ATRNL1: variants seen among roughly 807,000 people sequenced by gnomAD.
ATRNL1 encodes the protein attractin like 1.
Under a neutral mutation model 182.7 loss-of-function variants are expected in ATRNL1, and 95 were observed. That is an observed-to-expected ratio of 0.52 (90% confidence interval 0.44 to 0.62). ATRNL1 has a LOEUF of 0.62. ATRNL1 is among the 20% of genes least tolerant of loss of function. The probability of loss-of-function intolerance (pLI) is 0.00; values close to 1 mark genes in which losing one functional copy is unlikely to be tolerated. For missense variants in ATRNL1, 1,471 were observed against 1,679.5 expected (o/e 0.88, Z 2.17); for synonymous variants, 576 against 568.3 (o/e 1.01, Z -0.19).
At chr10:115,650,295 G>T (rs1859904199) in intron 26 of ATRNL1, among the ~76,000 whole-genome samples, 1 of 152,024 alleles carries the variant, frequency 6.6e-6, no homozygotes, top group Non-Finnish European at 1.5e-5. Context: ...TGACACGATT[G>T]GACATGATTG....
intron 25 of ATRNL1, among the ~76,000 whole-genome samples, chr10:115,526,018 G>C (rs547959490): frequency 2.0e-5 from 3 of 152,314 alleles, no homozygotes; most frequent in South Asian, 4.1e-4. Context: ...AAGAAAAGAA[G>C]TGGTGACAGT....
chr10:115,575,114 A>G (rs2133871252), intron 26 of ATRNL1, among the ~76,000 whole-genome samples: 1 of 152,266 alleles, frequency 6.6e-6, no homozygotes, highest in East Asian at 1.9e-4. Flanking sequence ...TATCCCAAGA[A>G]TTTATAAAAT....
chr10:115,535,004 A>T (rs1365892488), intron 25 of ATRNL1, among the ~76,000 whole-genome samples: 4 of 152,056 alleles, frequency 2.6e-5, no homozygotes, highest in African/African-American at 9.7e-5. Flanking sequence ...CTTCCCTTTG[A>T]GGGTAACCCG....
intron 28 of ATRNL1, among the ~76,000 whole-genome samples, chr10:115,866,896 C>T (rs1181729120): frequency 6.6e-6 from 1 of 152,090 alleles, no homozygotes; most frequent in Non-Finnish European, 1.5e-5. Flanking sequence ...CTCTGAGTCT[C>T]GTAATTGGTA....
intron 26 of ATRNL1, among the ~76,000 whole-genome samples, chr10:115,652,346 G>A (rs1017638475): frequency 2.6e-5 from 4 of 151,714 alleles, no homozygotes; most frequent in Admixed American, 2.6e-4. Context: ...CTCAATTACT[G>A]GAAGGCAATT....
chr10:115,755,312 T>C (rs1248124841), intron 27 of ATRNL1, among the ~76,000 whole-genome samples: 1 of 152,198 alleles, frequency 6.6e-6, no homozygotes, highest in Non-Finnish European at 1.5e-5. Context: ...GGGTTTGTCA[T>C]AAACAGCTCT....
intron 1 of ATRNL1, among the ~76,000 whole-genome samples, chr10:115,113,591 G>A (rs1215501461): frequency 6.6e-6 from 1 of 152,084 alleles, no homozygotes; most frequent in Non-Finnish European, 1.5e-5. Context: ...TTTATAAAGA[G>A]GAGGTCCCCT....
intron 18 of ATRNL1, among the ~76,000 whole-genome samples, chr10:115,322,991 TTTAGGTTTC>T (rs1408536581): frequency 2.0e-5 from 3 of 152,210 alleles, no homozygotes; most frequent in Non-Finnish European, 4.4e-5. Flanking sequence ...TTTAGAGTTT[TTTAGGTTTC>T]TTGGATGTGT....
chr10:115,299,976 A>C, intron 15 of ATRNL1, 58 bp from the exon 16 acceptor site: 5 of 1,238,676 alleles, frequency 4.0e-6, no homozygotes, highest in South Asian at 1.3e-5. Context: ...TTGCTAAGGA[A>C]TATGCCATAT....
At chr10:115,807,304 C>A (rs144678186) in intron 27 of ATRNL1, among the ~76,000 whole-genome samples, 1 of 151,920 alleles carries the variant, frequency 6.6e-6, no homozygotes, top group Non-Finnish European at 1.5e-5. Context: ...GTAGCAGAGA[C>A]GGATCTTCAT....
chr10:115,942,216 C>T (rs1953752028), intron 28 of ATRNL1, among the ~76,000 whole-genome samples: 1 of 152,202 alleles, frequency 6.6e-6, no homozygotes, highest in African/African-American at 2.4e-5. Flanking sequence ...TCCATCTGAC[C>T]CTGCTAATTC....
intron 27 of ATRNL1, among the ~76,000 whole-genome samples, chr10:115,821,023 T>G (rs1486767850): frequency 6.6e-6 from 1 of 152,070 alleles, no homozygotes; most frequent in African/African-American, 2.4e-5. Context: ...CTTATGCACT[T>G]TCTCAAGCCT....
intron 25 of ATRNL1, among the ~76,000 whole-genome samples, chr10:115,530,093 T>C (rs1851476543): frequency 6.6e-6 from 1 of 151,650 alleles, no homozygotes; most frequent in Admixed American, 6.6e-5. Context: ...TATTTCATCT[T>C]ATGTGTATAA....
At chr10:115,831,150 T>A (rs2134311630) in intron 27 of ATRNL1, among the ~76,000 whole-genome samples, 1 of 152,226 alleles carries the variant, frequency 6.6e-6, no homozygotes, top group Non-Finnish European at 1.5e-5. Flanking sequence ...GGCTGGTTGG[T>A]TCGTTGGTAT....
intron 26 of ATRNL1, among the ~76,000 whole-genome samples, chr10:115,561,704 G>GGTGTGTGTGTGTGTGTGTGTGT (rs71010029): frequency 6.9e-5 from 10 of 144,916 alleles, no homozygotes; most frequent in African/African-American, 1.3e-4. Context: ...TGTGTGTGTG[G>GGTGTGTGTGTGTGTGTGTGTGT]GTGTGTGTGT....
chr10:115,602,861 A>AAAC (rs1555016474), intron 26 of ATRNL1, among the ~76,000 whole-genome samples: 1 of 151,816 alleles, frequency 6.6e-6, no homozygotes, highest in African/African-American at 2.4e-5. Context: ...CTCAAAAAAA[A>AAAC]AAAAAACATT....
chr10:115,836,010 CAT>C (rs1303363937), intron 27 of ATRNL1, among the ~76,000 whole-genome samples: 2 of 152,204 alleles, frequency 1.3e-5, no homozygotes, highest in Non-Finnish European at 2.9e-5. Context: ...CTCCTGCACA[CAT>C]GTCTCAGAAT....
chr10:115,368,611 C>G (rs1857207976), intron 19 of ATRNL1, among the ~76,000 whole-genome samples: 2 of 152,160 alleles, frequency 1.3e-5, no homozygotes, highest in South Asian at 4.1e-4. Flanking sequence ...TCCTTTCTAA[C>G]AAAAACTTTG....
intron 27 of ATRNL1, among the ~76,000 whole-genome samples, chr10:115,835,110 A>C (rs782469977): frequency 6.6e-6 from 1 of 152,162 alleles, no homozygotes; most frequent in Non-Finnish European, 1.5e-5. Context: ...GCAGTTTTCC[A>C]AGAGACAATA....
Sources: gnomAD v4.1 joint callset for allele counts (sites outside exome capture counted in the v4.1 genomes callset) on GRCh38, gnomAD v4.1.1 for gene constraint, MANE v1.5 for transcripts, NCBI Gene and HGNC (gene_info 2026-07-23, HGNC 2026-07-21) for gene names.